GPC6: variants seen among roughly 807,000 people sequenced by gnomAD.
The protein encoded by GPC6 is glypican 6.
Under a neutral mutation model 55.2 loss-of-function variants are expected in GPC6, and 14 were observed. The ratio of observed to expected loss-of-function variants is 0.25; its 90% confidence interval spans 0.17 to 0.40. The LOEUF (loss-of-function observed/expected upper bound fraction) is 0.40, where lower values mean the gene tolerates loss of function less well. Ranked by LOEUF, GPC6 falls within the 10% of genes least tolerant of loss-of-function variation. The pLI, the probability that GPC6 is intolerant of heterozygous loss-of-function variation, is 1.00. For missense variants in GPC6, 641 were observed against 708.5 expected, an observed-to-expected ratio of 0.90 and a Z score of 1.08; for synonymous variants, 278 against 259.6, an observed-to-expected ratio of 1.07 and a Z score of -0.68.
At position 94,107,406 on chromosome 13, in the gene GPC6, G is replaced by T. The variant is rs139276991; in HGVS notation, c.877+79512G>T. 2.4e-4 allele frequency among the ~76,000 whole-genome samples: 37 copies of T among 152,168 alleles called. No homozygotes were observed. The East Asian group carries it at 5.0e-3, about 21-fold the overall frequency. On this transcript the variant is annotated intron_variant, in intron 4 of 8. Transcript: ENST00000377047. The stretch of plus-strand genomic sequence containing the variant: ...GAGTTATTTCTACATTTGCTGGCCT[G>T]TGTTGATCATTTTCTTCAGATATTC...
rs146993110 is a variant in GPC6, at chr13:94,259,053, T to A, written c.878-27296T>A. On this transcript the variant is annotated intron_variant, in intron 4 of 8. Transcript: ENST00000377047. Reference sequence around the variant, plus strand: ...ACTGGAAACCTTTCCCAGAAGCCCCTAGCACACTGGAAACCTTCTCAGAAG... The same window carrying A: ...ACTGGAAACCTTTCCCAGAAGCCCCAAGCACACTGGAAACCTTCTCAGAAG... Among the ~76,000 whole-genome samples the A allele has an allele frequency of 2.9e-3, 440 of 150,892 alleles. 3 individuals carry two copies. The highest frequency in any genetic ancestry group is 0.01 in the African/African-American group (421 of 41,006).
intron 1 of GPC6, among the ~76,000 whole-genome samples, chr13:93,362,384 A>G (rs1209931529): frequency 1.3e-5 from 2 of 152,302 alleles, no homozygotes; most frequent in African/African-American, 4.8e-5. Context: ...GTACCCATAA[A>G]GACATTACCT....
chr13:94,164,162 C>A (rs1427954096), intron 4 of GPC6, among the ~76,000 whole-genome samples: 2 of 152,280 alleles, frequency 1.3e-5, no homozygotes, highest in African/African-American at 4.8e-5. Context: ...AGCTTGACAA[C>A]TTTGAATACT....
chr13:93,991,374 C>A (rs574082650), intron 3 of GPC6, among the ~76,000 whole-genome samples: 1 of 151,864 alleles, frequency 6.6e-6, no homozygotes, highest in South Asian at 2.1e-4. Context: ...TACTTTATTT[C>A]TAATATCCTT....
intron 1 of GPC6, among the ~76,000 whole-genome samples, chr13:93,228,212 A>G (rs753290366): frequency 6.6e-5 from 10 of 152,006 alleles, no homozygotes; most frequent in Non-Finnish European, 1.3e-4. Context: ...TGGCCTCTGG[A>G]CGCCGGCGTT....
At chr13:93,689,700 A>G (rs756329418) in intron 2 of GPC6, among the ~76,000 whole-genome samples, 1 of 152,138 alleles carries the variant, frequency 6.6e-6, no homozygotes, top group South Asian at 2.1e-4. Flanking sequence ...TATTCCCTCC[A>G]TATTTAAATA....
At chr13:93,727,419 A>G (rs1346803073) in intron 2 of GPC6, among the ~76,000 whole-genome samples, 2 of 152,070 alleles carry the variant, frequency 1.3e-5, no homozygotes, top group Non-Finnish European at 2.9e-5. Context: ...CATTTGCCCT[A>G]TCTGGCCCAC....
intron 1 of GPC6, among the ~76,000 whole-genome samples, chr13:93,293,299 A>G (rs1380421074): frequency 6.6e-6 from 1 of 152,188 alleles, no homozygotes; most frequent in Non-Finnish European, 1.5e-5. Context: ...ATAACCTCAT[A>G]TAGTGTTTGG....
At chr13:94,175,959 G>T (rs201569759) in intron 4 of GPC6, among the ~76,000 whole-genome samples, 18,937 of 90,352 alleles carry the variant, frequency 0.21, 1,482 homozygotes, top group East Asian at 0.5. Flanking sequence ...TATATATAGA[G>T]AGAGAGAGAG....
At chr13:93,512,839 A>G (rs577813158) in intron 1 of GPC6, among the ~76,000 whole-genome samples, 4 of 152,278 alleles carry the variant, frequency 2.6e-5, no homozygotes, top group Admixed American at 2.6e-4. Context: ...TAATATGCTA[A>G]AAGGATTTTC....
chr13:93,891,614 T>C (rs1875685775), intron 3 of GPC6, among the ~76,000 whole-genome samples: 1 of 152,130 alleles, frequency 6.6e-6, no homozygotes, highest in South Asian at 2.1e-4. Context: ...TGAAAACATA[T>C]ACACTTTGTT....
chr13:93,633,568 G>A (rs1234089857), intron 2 of GPC6, among the ~76,000 whole-genome samples: 1 of 151,878 alleles, frequency 6.6e-6, no homozygotes, highest in African/African-American at 2.4e-5. Context: ...CCCAGCAGGC[G>A]GAGGTTGCCA....
chr13:93,317,222 A>C (rs1879277176), intron 1 of GPC6, among the ~76,000 whole-genome samples: 1 of 152,144 alleles, frequency 6.6e-6, no homozygotes, highest in Non-Finnish European at 1.5e-5. Context: ...TTTCCTATTA[A>C]GAATTTGAAT....
intron 4 of GPC6, among the ~76,000 whole-genome samples, chr13:94,032,341 A>T (rs1465230740): frequency 6.6e-6 from 1 of 152,174 alleles, no homozygotes; most frequent in African/African-American, 2.4e-5. Context: ...CAGCTGGGGG[A>T]CTTAACTTAG....
At chr13:93,576,120 G>A (rs1223953535) in intron 2 of GPC6, among the ~76,000 whole-genome samples, 1 of 151,984 alleles carries the variant, frequency 6.6e-6, no homozygotes, top group East Asian at 1.9e-4. Flanking sequence ...CAACATGAAT[G>A]CAATTGTCTC....
chr13:93,361,211 C>G (rs1285608870), intron 1 of GPC6, among the ~76,000 whole-genome samples: 1 of 152,098 alleles, frequency 6.6e-6, no homozygotes. Context: ...AGCTCTGAAA[C>G]TTTCTTGCCA....
chr13:93,842,924 A>G (rs1010014715), intron 3 of GPC6, among the ~76,000 whole-genome samples: 4 of 152,118 alleles, frequency 2.6e-5, no homozygotes, highest in African/African-American at 4.8e-5. Context: ...AATATTCTAA[A>G]TTCTCCATAC....
chr13:93,382,821 CCTTTT>C (rs1452625613), intron 1 of GPC6, among the ~76,000 whole-genome samples: 1 of 152,142 alleles, frequency 6.6e-6, no homozygotes, highest in African/African-American at 2.4e-5. Flanking sequence ...TATCTCATTT[CCTTTT>C]CAACACTTTA....
At chr13:93,485,588 T>C (rs1462959861) in intron 1 of GPC6, among the ~76,000 whole-genome samples, 1 of 152,240 alleles carries the variant, frequency 6.6e-6, no homozygotes, top group Non-Finnish European at 1.5e-5. Flanking sequence ...ATAATTTATA[T>C]AGTTACCTTG....
Sources: allele counts gnomAD v4.1 joint callset (sites outside exome capture counted in the v4.1 genomes callset), GRCh38; gene constraint gnomAD v4.1.1; transcripts MANE v1.5; gene names NCBI Gene and HGNC (gene_info 2026-07-23, HGNC 2026-07-21).